The following SLC9A9 variants were observed in gnomAD, a reference collection of about 807,000 sequenced individuals.
The protein encoded by SLC9A9 is solute carrier family 9 member A9.
Under a neutral mutation model 77.8 loss-of-function variants are expected in SLC9A9, and 62 were observed. The ratio of observed to expected loss-of-function variants is 0.80; its 90% CI spans 0.65 to 0.98. The LOEUF (loss-of-function observed/expected upper bound fraction) is 0.98. Among genes scored for constraint, SLC9A9 ranks in the 50% least tolerant of loss-of-function variants. SLC9A9 has a pLI of 0.00. For synonymous variants in SLC9A9, 320 were observed against 283.5 expected (o/e 1.13, Z -1.29); for missense variants, 775 against 774.9 (o/e 1.00, Z 0.00).
chr3:143,438,728 A>G (rs1433694631), intron 12 of SLC9A9, among the ~76,000 whole-genome samples: 2 of 152,144 alleles, frequency 1.3e-5, no homozygotes, highest in Non-Finnish European at 2.9e-5. Context: ...CAGCAAAGGA[A>G]ACCAAGTTTG....
At chr3:143,774,379 C>T (rs575890558) in intron 4 of SLC9A9, among the ~76,000 whole-genome samples, 3 of 152,236 alleles carry the variant, frequency 2.0e-5, no homozygotes, top group Admixed American at 6.5e-5. Flanking sequence ...AACTTCATAC[C>T]GGCACTGAGT....
intron 13 of SLC9A9, among the ~76,000 whole-genome samples, chr3:143,373,605 T>TAA (rs67376157): frequency 0.053 from 3,130 of 58,586 alleles, 149 homozygotes; most frequent in African/African-American, 0.087. Context: ...ACTGAAATAG[T>TAA]AAAAAAAAAA....
chr3:143,738,685 G>A (rs1935002028), intron 4 of SLC9A9, among the ~76,000 whole-genome samples: 1 of 152,108 alleles, frequency 6.6e-6, no homozygotes, highest in African/African-American at 2.4e-5. Flanking sequence ...CCAGTTCCAA[G>A]ACCCAGGACA....
At chr3:143,430,808 A>G (rs1022291085) in intron 12 of SLC9A9, among the ~76,000 whole-genome samples, 2 of 152,202 alleles carry the variant, frequency 1.3e-5, no homozygotes, top group African/African-American at 4.8e-5. Flanking sequence ...AGGCAGACTC[A>G]AGCTGAAGTC....
intron 14 of SLC9A9, among the ~76,000 whole-genome samples, chr3:143,310,161 G>A (rs2030962201): frequency 6.6e-6 from 1 of 152,186 alleles, no homozygotes; most frequent in African/African-American, 2.4e-5. Context: ...AGGCTGTAGA[G>A]TCAACTGGAA....
intron 6 of SLC9A9, among the ~76,000 whole-genome samples, chr3:143,602,777 G>T (rs1208921812): frequency 6.6e-6 from 1 of 152,182 alleles, no homozygotes; most frequent in Non-Finnish European, 1.5e-5. Context: ...CTTCCCCAAA[G>T]AAACCCCTTT....
intron 14 of SLC9A9, among the ~76,000 whole-genome samples, chr3:143,331,349 G>A (rs1203755827): frequency 6.6e-6 from 1 of 152,104 alleles, no homozygotes; most frequent in Non-Finnish European, 1.5e-5. Context: ...TACTCTGCAG[G>A]GCTGCCTTAA....
At chr3:143,613,981 A>G (rs75515818) in intron 6 of SLC9A9, among the ~76,000 whole-genome samples, 3,379 of 152,272 alleles carry the variant, frequency 0.022, 131 homozygotes, top group African/African-American at 0.075. Flanking sequence ...TTAATATTGA[A>G]CTTTCCTATC....
At chr3:143,442,407 T>C (rs2034758569) in intron 12 of SLC9A9, among the ~76,000 whole-genome samples, 1 of 152,234 alleles carries the variant, frequency 6.6e-6, no homozygotes, top group Non-Finnish European at 1.5e-5. Flanking sequence ...AATTGCTTGC[T>C]ACCTATGTAA....
chr3:143,534,088 A>G (rs2036554045), intron 9 of SLC9A9, among the ~76,000 whole-genome samples: 1 of 152,230 alleles, frequency 6.6e-6, no homozygotes, highest in Non-Finnish European at 1.5e-5. Context: ...CATTTTATAC[A>G]TTGAAAATTA....
chr3:143,284,404 A>ATT (rs36119351), intron 14 of SLC9A9, among the ~76,000 whole-genome samples: 56 of 136,846 alleles, frequency 4.1e-4, no homozygotes, highest in East Asian at 3.8e-3. Context: ...GGCCCTTTCT[A>ATT]TTTTTTTTTT....
At chr3:143,732,055 G>A (rs1934819018) in intron 4 of SLC9A9, among the ~76,000 whole-genome samples, 1 of 152,192 alleles carries the variant, frequency 6.6e-6, no homozygotes, top group Non-Finnish European at 1.5e-5. Flanking sequence ...TTCTGTTCCT[G>A]AGGATTGGAT....
chr3:143,717,754 G>A (rs543147687), intron 4 of SLC9A9, among the ~76,000 whole-genome samples: 1 of 152,124 alleles, frequency 6.6e-6, no homozygotes, highest in African/African-American at 2.4e-5. Flanking sequence ...GTTGGAAGGT[G>A]TTTTTTCTTC....
At position 143,546,972 on chromosome 3, in the gene SLC9A9, C is replaced by G. The variant is rs545453721; in HGVS notation, c.1089+5390G>C. On this transcript the variant is annotated intron_variant, in intron 9 of 15. Transcript: ENST00000316549. The stretch of plus-strand genomic sequence containing the variant: ...CCATTCTATTCAGGTTTTCTGCCAA[C>G]ATTGTTCTTATCACTGTCATCAGTG... Among the ~76,000 whole-genome samples the G allele has an allele frequency of 4.6e-5, 7 of 152,290 alleles. No homozygotes were observed. The South Asian group carries it at 1.0e-3, about 23-fold the overall frequency.
chr3:143,452,633 T>TA (rs1198931078), intron 12 of SLC9A9, among the ~76,000 whole-genome samples: 2 of 152,042 alleles, frequency 1.3e-5, no homozygotes, highest in African/African-American at 2.4e-5. Flanking sequence ...TGTCAATTGT[T>TA]AAAAAAATTT....
intron 6 of SLC9A9, among the ~76,000 whole-genome samples, chr3:143,582,164 A>G (rs1382097334): frequency 6.6e-6 from 1 of 152,178 alleles, no homozygotes; most frequent in African/African-American, 2.4e-5. Flanking sequence ...TTTTATGGGT[A>G]TCAATCTAAT....
At chr3:143,566,480 T>A (rs561963885) in intron 8 of SLC9A9, among the ~76,000 whole-genome samples, 6 of 152,180 alleles carry the variant, frequency 3.9e-5, no homozygotes, top group East Asian at 1.9e-4. Flanking sequence ...TCATTTTTTT[T>A]AAGATTCATT....
In SLC9A9 at chr3:143,795,042, C is replaced by G; in HGVS notation, c.492G>C (p.Thr164=). 3.7e-6 allele frequency: 6 copies of G among 1,613,492 alleles called. No individual in the cohort carries two copies. Among genetic ancestry groups the G allele is most frequent in the Non-Finnish European group, 5.1e-6 (6 of 1,179,822 alleles). ...HFFQNLGSIL[T]YAFLGTAISC... ...AGATGGCAGTTCCCAAGAAGGCATA[C>G]GTTAAAATAGATCCTAAGTTTTGAA... is the stretch of plus-strand genomic sequence containing the variant. Residue 164 remains threonine, a synonymous_variant, in exon 4 of 16, where the codon ACG becomes ACC. Coordinates refer to ENST00000316549, the MANE Select transcript of SLC9A9 (RefSeq NM_173653.4).
At chr3:143,525,702 GT>G (rs896507102) in intron 9 of SLC9A9, among the ~76,000 whole-genome samples, 5 of 152,274 alleles carry the variant, frequency 3.3e-5, no homozygotes, top group African/African-American at 9.6e-5. Context: ...ATGTCAGTGA[GT>G]TTTTGTGGAA....
Sources: allele counts gnomAD v4.1 joint callset (sites outside exome capture counted in the v4.1 genomes callset), GRCh38; gene constraint gnomAD v4.1.1; transcripts MANE v1.5; gene names NCBI Gene and HGNC (gene_info 2026-07-23, HGNC 2026-07-21).